PIP4K2A: variants seen among roughly 807,000 people sequenced by gnomAD.
The protein encoded by PIP4K2A is phosphatidylinositol 5-phosphate 4-kinase type-2 alpha.
PIP4K2A carries 14 observed loss-of-function variants against 42.9 expected under a neutral mutation model. The observed-to-expected ratio is 0.33, with a 90% confidence interval of 0.22 to 0.51. The LOEUF (loss-of-function observed/expected upper bound fraction) is 0.51. Ranked by LOEUF, PIP4K2A falls within the 20% of genes least tolerant of loss-of-function variation. The pLI is 0.97. For missense variants in PIP4K2A, 434 were observed against 519.8 expected, an observed-to-expected ratio of 0.83 and a Z score of 1.61; for synonymous variants, 192 against 192.2, an observed-to-expected ratio of 1.00 and a Z score of 0.01.
intron 1 of PIP4K2A, among the ~76,000 whole-genome samples, chr10:22,635,411 T>TA (rs529725756): frequency 2.6e-4 from 40 of 152,032 alleles, no homozygotes; most frequent in African/African-American, 8.9e-4. Context: ...AAAACTTCTG[T>TA]AAAAAAATAA....
intron 1 of PIP4K2A, among the ~76,000 whole-genome samples, chr10:22,641,040 A>C (rs182175233): frequency 6.6e-6 from 1 of 152,368 alleles, no homozygotes; most frequent in African/African-American, 2.4e-5. Flanking sequence ...TCAGCTCAAC[A>C]AATGGTAATA....
At chr10:22,611,060 G>A (rs1401771594) in intron 1 of PIP4K2A, among the ~76,000 whole-genome samples, 1 of 152,180 alleles carries the variant, frequency 6.6e-6, no homozygotes, top group Admixed American at 6.5e-5. Flanking sequence ...AAAAAATAAT[G>A]ATTCAGAATT....
intron 1 of PIP4K2A, among the ~76,000 whole-genome samples, chr10:22,612,721 G>A (rs921150361): frequency 5.3e-5 from 8 of 152,094 alleles, no homozygotes; most frequent in South Asian, 2.1e-4. Flanking sequence ...GCATGCATGC[G>A]GGGGAAGCTG....
Position 22,713,736 on chromosome 10 carries a change from C to T in PIP4K2A, c.144+447G>A, listed in dbSNP as rs879493633. Among the ~76,000 whole-genome samples, 104 of 152,132 alleles carry T rather than the reference C, an allele frequency of 6.8e-4. 1 individual carries two copies. The highest frequency in any genetic ancestry group is 2.4e-3 in the African/African-American group (100 of 41,538). On this transcript the variant is annotated intron_variant, in intron 1 of 9. Transcript: ENST00000376573. ...CCCAGCCCGGGACAGGTACACCTGCCCGCAAGCGGAAGACGCGGGCGCCGC... is the reference window on the plus strand; with the variant it reads ...CCCAGCCCGGGACAGGTACACCTGCTCGCAAGCGGAAGACGCGGGCGCCGC...
chr10:22,616,094 C>T (rs1004471104), intron 1 of PIP4K2A, among the ~76,000 whole-genome samples: 12 of 152,164 alleles, frequency 7.9e-5, no homozygotes, highest in African/African-American at 2.4e-5. Context: ...GCTTTGTTGT[C>T]TGCATCAATA....
At chr10:22,585,207 C>A (rs1260258950) in intron 4 of PIP4K2A, among the ~76,000 whole-genome samples, 1 of 152,156 alleles carries the variant, frequency 6.6e-6, no homozygotes, top group African/African-American at 2.4e-5. Context: ...CACCAACGTC[C>A]CTAACCTTCG....
chr10:22,683,566 A>T (rs1366114619), intron 1 of PIP4K2A, among the ~76,000 whole-genome samples: 1 of 152,106 alleles, frequency 6.6e-6, no homozygotes, highest in Non-Finnish European at 1.5e-5. Flanking sequence ...CAAAGGTGAA[A>T]CTGCTTTGTC....
intron 4 of PIP4K2A, among the ~76,000 whole-genome samples, chr10:22,582,118 A>G (rs1319195914): frequency 2.6e-5 from 4 of 152,076 alleles, no homozygotes; most frequent in African/African-American, 4.8e-5. Flanking sequence ...GAAAAAAAAA[A>G]AAGTCTACTT....
intron 1 of PIP4K2A, among the ~76,000 whole-genome samples, chr10:22,617,718 C>T (rs1838205861): frequency 6.6e-6 from 1 of 151,828 alleles, no homozygotes; most frequent in African/African-American, 2.4e-5. Flanking sequence ...GCGGAAGTGG[C>T]AGGGGGCCTG....
chr10:22,599,064 C>G (rs868763043), intron 3 of PIP4K2A, among the ~76,000 whole-genome samples: 2 of 144,992 alleles, frequency 1.4e-5, no homozygotes, highest in African/African-American at 5.0e-5. Flanking sequence ...TGTCTCTTAT[C>G]GAATAAATTA....
intron 1 of PIP4K2A, among the ~76,000 whole-genome samples, chr10:22,683,439 T>C (rs1839701069): frequency 6.6e-6 from 1 of 152,160 alleles, no homozygotes; most frequent in Non-Finnish European, 1.5e-5. Flanking sequence ...ACCGCAGAGC[T>C]GACAGTGTGG....
chr10:22,579,644 G>A (rs1312821404), intron 4 of PIP4K2A, among the ~76,000 whole-genome samples: 5 of 152,104 alleles, frequency 3.3e-5, no homozygotes, highest in Non-Finnish European at 7.4e-5. Flanking sequence ...GGTGGCTCAC[G>A]CATGTAATCC....
chr10:22,711,944 A>T (rs542625440), intron 1 of PIP4K2A, among the ~76,000 whole-genome samples: 1 of 152,340 alleles, frequency 6.6e-6, no homozygotes, highest in Non-Finnish European at 1.5e-5. Flanking sequence ...GACCTTTCTT[A>T]TGTCAACTCA....
intron 1 of PIP4K2A, among the ~76,000 whole-genome samples, chr10:22,690,637 T>A (rs1206740899): frequency 6.6e-6 from 1 of 152,144 alleles, no homozygotes; most frequent in African/African-American, 2.4e-5. Context: ...ACCCTAAGAT[T>A]CAATGAGTGC....
At chr10:22,673,576 A>G (rs979407740) in intron 1 of PIP4K2A, among the ~76,000 whole-genome samples, 13 of 152,164 alleles carry the variant, frequency 8.5e-5, no homozygotes, top group African/African-American at 3.1e-4. Context: ...ACACAATTCC[A>G]AAACAACCAT....
In PIP4K2A at chr10:22,537,079, G is replaced by A. The variant is rs1835953397; in HGVS notation, c.*122C>T. 1 of 703,838 alleles carries A rather than the reference G, an allele frequency of 1.4e-6. No individual in the cohort carries two copies. The highest frequency in any genetic ancestry group is 2.8e-5 in the Admixed American group (1 of 36,222). The allele number at this position is 703,838 out of a possible 1,614,324, so 43.6% of individuals were successfully genotyped here. A position where few individuals can be genotyped will look rare whatever the true frequency, so the allele number is the denominator to read the frequency against. On this transcript the variant is annotated 3_prime_UTR_variant, in exon 10 of 10. Coordinates refer to ENST00000376573, the MANE Select transcript of PIP4K2A (RefSeq NM_005028.5). ...AAATCAGTCATCTTGGCCTGAAGAT[G>A]TAAACAAGGAGGTTTGCTTCCTGCA...
chr10:22,706,214 G>T (rs1833819897), intron 1 of PIP4K2A, among the ~76,000 whole-genome samples: 1 of 152,086 alleles, frequency 6.6e-6, no homozygotes, highest in African/African-American at 2.4e-5. Flanking sequence ...CTGCAGCTGG[G>T]AGATTCTATC....
chr10:22,698,260 G>GA (rs1780203528), intron 1 of PIP4K2A, among the ~76,000 whole-genome samples: 1 of 152,056 alleles, frequency 6.6e-6, no homozygotes, highest in African/African-American at 2.4e-5. Flanking sequence ...AAGCATATGG[G>GA]AAAAAAGGAT....
intron 7 of PIP4K2A, among the ~76,000 whole-genome samples, chr10:22,547,611 G>A (rs151120327): frequency 2.6e-3 from 403 of 152,280 alleles, no homozygotes; most frequent in African/African-American, 9.2e-3. Context: ...CCATGGATGG[G>A]GGGCTATAAA....
Sources: gnomAD v4.1 joint callset for allele counts (sites outside exome capture counted in the v4.1 genomes callset) on GRCh38, gnomAD v4.1.1 for gene constraint, MANE v1.5 for transcripts, NCBI Gene and HGNC (gene_info 2026-07-23, HGNC 2026-07-21) for gene names.